Variants in YWHAZ observed in about 807,000 individuals in gnomAD.
YWHAZ encodes the protein tyrosine 3-monooxygenase/tryptophan 5-monooxygenase activation protein zeta, also known as 14-3-3 protein zeta/delta.
For synonymous variants in YWHAZ, 87 were observed against 103.6 expected (o/e 0.84, Z 0.97); for missense variants, 79 against 284.8 (o/e 0.28, Z 5.20).
At chr8:100,946,205 G>T (rs3134358) in intron 2 of YWHAZ, among the ~76,000 whole-genome samples, 99,630 of 151,992 alleles carry the variant, frequency 0.66, 33,194 homozygotes, top group African/African-American at 0.79. Context: ...TGCAAACAAA[G>T]TTTCTTCATA....
At chr8:100,945,050 A>G (rs1173241030) in intron 2 of YWHAZ, among the ~76,000 whole-genome samples, 2 of 152,214 alleles carry the variant, frequency 1.3e-5, no homozygotes, top group African/African-American at 2.4e-5. Flanking sequence ...AAGAGGTACT[A>G]GTGTTGAGTC....
chr8:100,937,953 A>C (rs1034445016), intron 2 of YWHAZ, among the ~76,000 whole-genome samples: 1 of 152,212 alleles, frequency 6.6e-6, no homozygotes, highest in Non-Finnish European at 1.5e-5. Context: ...CAACATGGAG[A>C]AATCCCATCT....
intron 1 of YWHAZ, chr8:100,950,427 T>G (rs1219898428): frequency 1.0e-6 from 1 of 985,380 alleles, no homozygotes; most frequent in East Asian, 1.1e-4. Context: ...CGTCGGTTAC[T>G]GTGAAACGAA....
intron 1 of YWHAZ, 129 bp downstream of exon 1, chr8:100,951,800 T>TC: frequency 2.0e-6 from 2 of 984,958 alleles, no homozygotes; most frequent in African/African-American, 3.5e-5. Flanking sequence ...CTGAGGAGAC[T>TC]CCGCCTCAGC....
chr8:100,951,705 G>T, intron 1 of YWHAZ: 1 of 985,442 alleles, frequency 1.0e-6, no homozygotes, highest in African/African-American at 1.7e-5. Context: ...TCGGCGCCGG[G>T]GCGTCGATGC....
At chr8:100,947,245 C>T (rs1414505858) in intron 2 of YWHAZ, among the ~76,000 whole-genome samples, 4 of 145,152 alleles carry the variant, frequency 2.8e-5, no homozygotes, top group Non-Finnish European at 4.5e-5. Context: ...CAGAGCAAGA[C>T]TCCGTCTCAA....
chr8:100,950,505 C>A (rs1408649599), intron 1 of YWHAZ: 5 of 985,502 alleles, frequency 5.1e-6, no homozygotes, highest in Non-Finnish European at 4.8e-6. Flanking sequence ...CCCCTCCAGG[C>A]TCCGCCCAAG....
intron 1 of YWHAZ, among the ~76,000 whole-genome samples, chr8:100,950,253 T>C (rs1057477370): frequency 6.6e-5 from 10 of 152,292 alleles, no homozygotes; most frequent in African/African-American, 2.2e-4. Context: ...TTTCTGCTTC[T>C]AACAAAAAAT....
chr8:100,940,797 T>C (rs1586138886), intron 2 of YWHAZ, among the ~76,000 whole-genome samples: 2 of 152,196 alleles, frequency 1.3e-5, no homozygotes, highest in East Asian at 3.8e-4. Context: ...GCAGTAAAAC[T>C]TGCCCCAAAT....
intron 5 of YWHAZ, among the ~76,000 whole-genome samples, 156 bp from the exon 6 acceptor site, chr8:100,920,908 A>G (rs1312617639): frequency 6.6e-6 from 1 of 152,088 alleles, no homozygotes; most frequent in Non-Finnish European, 1.5e-5. Flanking sequence ...AAACATCTCA[A>G]TATACAAATT....
chr8:100,933,126 C>T (rs886077492), intron 2 of YWHAZ, among the ~76,000 whole-genome samples: 15 of 152,134 alleles, frequency 9.9e-5, no homozygotes, highest in Admixed American at 2.6e-4. Context: ...TTTGGGAGGC[C>T]GAGGTGGGTG....
chr8:100,951,379 A>T (rs1810761067), intron 1 of YWHAZ: 1 of 979,542 alleles, frequency 1.0e-6, no homozygotes. Flanking sequence ...CCGCCGCCGC[A>T]GCGCCCAGCG....
At position 100,917,917 on chromosome 8, in the gene YWHAZ, G is replaced by C. The variant is rs1812770413; in HGVS notation, c.*2776C>G. On this transcript the variant is annotated 3_prime_UTR_variant, in exon 6 of 6. Transcript: ENST00000395958. The stretch of plus-strand genomic sequence containing the variant: ...TTGGAAATTTTCCTTAATCTATTGG[G>C]AACTACTATGTAGAAAACATTAGTT... The C allele has an allele frequency of 6.6e-6, 1 of 152,148 alleles. No homozygotes were observed. Among genetic ancestry groups the C allele is most frequent in the African/African-American group, 2.4e-5 (1 of 41,424 alleles). The allele number at this position is 152,148 out of a possible 1,614,324, so 9.4% of individuals were successfully genotyped here. A position where few individuals can be genotyped will look rare whatever the true frequency, so the allele number is the denominator to read the frequency against.
upstream of YWHAZ, chr8:100,952,649 A>G: frequency 2.5e-6 from 1 of 400,038 alleles, no homozygotes; most frequent in East Asian, 1.6e-4. Flanking sequence ...GCAGGATGAC[A>G]AGGGTGGCTC....
chr8:100,929,092 T>C (rs553537889), intron 2 of YWHAZ, among the ~76,000 whole-genome samples: 31 of 152,318 alleles, frequency 2.0e-4, no homozygotes, highest in Non-Finnish European at 3.4e-4. Context: ...AAAATTTTAA[T>C]TGACAAAATA....
In YWHAZ at chr8:100,925,008, G is replaced by A; in HGVS notation, c.326C>T (p.Ala109Val). The A allele has an allele frequency of 6.2e-7, 1 of 1,613,924 alleles. No individual in the cohort carries two copies. The highest frequency in any genetic ancestry group is 8.5e-7 in the Non-Finnish European group (1 of 1,179,952). ...SLLEKFLIPN[A>V]SQAESKVFYL... ...GAAGACTTTGCTCTCTGCTTGTGAA[G>A]CATTGGGGATCAAGAACTTTTCCAA... The change falls in exon 3 of 6, where the codon GCT becomes GTT. Residue 109 changes from alanine to valine, a missense_variant. Ala to Val is a moderately conservative substitution (Grantham distance 64). Coordinates refer to ENST00000395958, the MANE Select transcript of YWHAZ (RefSeq NM_145690.3).
In YWHAZ at chr8:100,924,867, A is replaced by G. The variant is rs752231532; in HGVS notation, c.418+49T>C. 1.0e-5 allele frequency: 16 copies of G among 1,606,838 alleles called. No homozygotes were observed. In the East Asian group the frequency reaches 1.3e-4, roughly 13 times the overall value. ...ATGTACGCTTCAGAGACTCTTCCTC[A>G]CTATGTTATCTTATACAAGTTCAAC... is the stretch of plus-strand genomic sequence containing the variant. On this transcript the variant is annotated intron_variant, in intron 3 of 5. Transcript: ENST00000395958. The surrounding 1 kb of genome is among the most constrained non-coding windows in gnomAD (Gnocchi z 5.7).
chr8:100,948,495 T>C lies in YWHAZ; in HGVS notation c.294+101A>G. On this transcript the variant is annotated intron_variant, in intron 2 of 5. Coordinates refer to ENST00000395958, the MANE Select transcript of YWHAZ (RefSeq NM_145690.3). This position sits in a 1 kb window ranked among gnomAD's most constrained non-coding sequence, Gnocchi z 4.2. ...ACTTTTAAATTTGGAACACACAATGTTTAGAAGGAAAAGAAAAACCAAACA... is the reference window on the plus strand; with the variant it reads ...ACTTTTAAATTTGGAACACACAATGCTTAGAAGGAAAAGAAAAACCAAACA... The C allele has an allele frequency of 7.5e-7, 1 of 1,326,324 alleles. No individual in the cohort carries two copies. Among genetic ancestry groups the C allele is most frequent in the East Asian group, 2.3e-5 (1 of 43,262 alleles). 82.2% of individuals were successfully genotyped at this position (1,326,324 alleles called of 1,614,324 possible). A position where few individuals can be genotyped will look rare whatever the true frequency, so the allele number is the denominator to read the frequency against.
rs1812890717 is a variant in YWHAZ, at chr8:100,919,729, ATGAAT to A, written c.*959_*963del. On this transcript the variant is annotated 3_prime_UTR_variant, in exon 6 of 6. Coordinates refer to ENST00000395958, the MANE Select transcript of YWHAZ (RefSeq NM_145690.3). ...TTCATAAAACTTTTATTCCACTTACATGAATTTAATACACGTGTTCTTAACAATTA... is the reference window on the plus strand; with the variant it reads ...TTCATAAAACTTTTATTCCACTTACATTAATACACGTGTTCTTAACAATTA... 6.6e-6 allele frequency: 1 copy of A among 152,608 alleles called. No individual in the cohort carries two copies. Among genetic ancestry groups the A allele is most frequent in the Non-Finnish European group, 1.5e-5 (1 of 68,032 alleles). 9.5% of individuals were successfully genotyped at this position (152,608 alleles called of 1,614,324 possible).
Sources: gnomAD v4.1 joint callset for allele counts (sites outside exome capture counted in the v4.1 genomes callset) on GRCh38, gnomAD v4.1.1 for gene constraint, Gnocchi (gnomAD v3.1) non-coding constraint, MANE v1.5 for transcripts, NCBI Gene and HGNC (gene_info 2026-07-23, HGNC 2026-07-21) for gene names.